DRC9: variants seen among roughly 807,000 people sequenced by gnomAD.
DRC9 encodes dynein regulatory complex subunit 9.
chr3:197,908,892 A>G, the DRC9 span, among the ~76,000 whole-genome samples: 7 of 151,550 alleles, frequency 4.6e-5, no homozygotes, highest in East Asian at 1.4e-3. Context: ...GCACCCTCCC[A>G]GATGAAGTTA....
chr3:197,912,004 C>T, the DRC9 span, among the ~76,000 whole-genome samples: 1 of 151,348 alleles, frequency 6.6e-6, no homozygotes, highest in East Asian at 2.0e-4. Flanking sequence ...TAAATATAGT[C>T]ATAATTTAAA....
At chr3:197,930,855 G>A in the DRC9 span, among the ~76,000 whole-genome samples, 5 of 152,042 alleles carry the variant, frequency 3.3e-5, no homozygotes, top group East Asian at 9.7e-4. Flanking sequence ...CCAACGTGGT[G>A]AAACACTGTC....
At chr3:197,951,956 T>C in the DRC9 span, among the ~76,000 whole-genome samples, 1 of 152,056 alleles carries the variant, frequency 6.6e-6, no homozygotes, top group Admixed American at 6.6e-5. Flanking sequence ...TTAAGGAACT[T>C]AATGGGGAGT....
the DRC9 span, chr3:197,938,748 A>C: frequency 5.5e-5 from 89 of 1,613,558 alleles, no homozygotes; most frequent in African/African-American, 1.0e-3. Flanking sequence ...GTTTGTCTAG[A>C]TTCGTTCCTT....
chr3:197,900,616 G>A, the DRC9 span, among the ~76,000 whole-genome samples: 2 of 151,228 alleles, frequency 1.3e-5, no homozygotes, highest in Non-Finnish European at 2.9e-5. This position sits in a 1 kb window ranked among gnomAD's most constrained non-coding sequence, Gnocchi z 4.7. Context: ...ACTCGGCAGA[G>A]GATACCAGCT....
chr3:197,946,412 G>T, the DRC9 span, among the ~76,000 whole-genome samples: 4 of 143,708 alleles, frequency 2.8e-5, no homozygotes, highest in African/African-American at 1.1e-4. Context: ...TCCAGCCTGG[G>T]CGACAGAGCG....
chr3:197,889,313 T>C, the DRC9 span: 12 of 449,288 alleles, frequency 2.7e-5, no homozygotes, highest in African/African-American at 9.7e-5. Flanking sequence ...GCAAGAAGAA[T>C]GAATCTTCAC....
At chr3:197,952,289 C>T in the DRC9 span, among the ~76,000 whole-genome samples, 2 of 149,154 alleles carry the variant, frequency 1.3e-5, no homozygotes, top group Non-Finnish European at 1.5e-5. Context: ...CCTGCCTTAG[C>T]CTCCTGAGTA....
the DRC9 span, chr3:197,959,629 T>A: frequency 6.6e-6 from 1 of 152,406 alleles, no homozygotes; most frequent in East Asian, 1.9e-4. Flanking sequence ...CCATTTTGTA[T>A]AGTTCCTCAC....
At chr3:197,952,419 C>G in the DRC9 span, 1 of 152,192 alleles carries the variant, frequency 6.6e-6, no homozygotes, top group Non-Finnish European at 1.5e-5. Context: ...CCACCCACCT[C>G]AGCCTCCCAA....
the DRC9 span, among the ~76,000 whole-genome samples, chr3:197,918,098 CT>C: frequency 0.24 from 31,160 of 129,436 alleles, 4,003 homozygotes; most frequent in African/African-American, 0.43. Flanking sequence ...GTCAGTGAAT[CT>C]TTTTTTTTTT....
At chr3:197,899,111 T>A in the DRC9 span, among the ~76,000 whole-genome samples, 1 of 152,200 alleles carries the variant, frequency 6.6e-6, no homozygotes, top group Non-Finnish European at 1.5e-5. Flanking sequence ...CATAAAGAGA[T>A]AAAAGATCAA....
At chr3:197,947,673 T>C in the DRC9 span, among the ~76,000 whole-genome samples, 1 of 152,226 alleles carries the variant, frequency 6.6e-6, no homozygotes. Flanking sequence ...TTCTGTGCTC[T>C]GAGAGATGGA....
chr3:197,951,095 TG>T, the DRC9 span: 1 of 1,608,888 alleles, frequency 6.2e-7, no homozygotes, highest in Non-Finnish European at 8.5e-7. Context: ...TGGGTGGGGG[TG>T]ATTACAAGTC....
chr3:197,934,211 T>C, the DRC9 span, among the ~76,000 whole-genome samples: 11 of 119,776 alleles, frequency 9.2e-5, no homozygotes, highest in Admixed American at 9.7e-4. Flanking sequence ...GAGACAAGAG[T>C]GTCGTTCTTG....
the DRC9 span, among the ~76,000 whole-genome samples, chr3:197,928,048 T>G: frequency 6.6e-6 from 1 of 152,166 alleles, no homozygotes; most frequent in Non-Finnish European, 1.5e-5. Context: ...ATGGCACATG[T>G]ATACCTATGT....
chr3:197,940,495 T>G, the DRC9 span, among the ~76,000 whole-genome samples: 3 of 152,150 alleles, frequency 2.0e-5, no homozygotes, highest in African/African-American at 7.2e-5. Flanking sequence ...TCCTTTCATT[T>G]CATAATTCTA....
At chr3:197,910,131 A>G in the DRC9 span, among the ~76,000 whole-genome samples, 1 of 152,024 alleles carries the variant, frequency 6.6e-6, no homozygotes, top group African/African-American at 2.4e-5. Flanking sequence ...TCTTTAACCT[A>G]TGTATTTCTG....
chr3:197,893,016 C>CAA, the DRC9 span, among the ~76,000 whole-genome samples: 397 of 152,242 alleles, frequency 2.6e-3, 5 homozygotes, highest in African/African-American at 9.1e-3. Flanking sequence ...AACTGTTCAT[C>CAA]AAACTATACA....
Sources: gnomAD v4.1 joint callset for allele counts (sites outside exome capture counted in the v4.1 genomes callset) on GRCh38, gnomAD v4.1.1 for gene constraint, Gnocchi (gnomAD v3.1) non-coding constraint, MANE v1.5 for transcripts, NCBI Gene and HGNC (gene_info 2026-07-23, HGNC 2026-07-21) for gene names.